MYO16: variants seen among roughly 807,000 people sequenced by gnomAD.
MYO16 encodes the protein myosin XVI.
MYO16 carries 94 observed loss-of-function variants against 205.3 expected under a neutral mutation model. The observed-to-expected ratio is 0.46, with a 90% CI of 0.39 to 0.54. The LOEUF is 0.54. MYO16 is among the 20% of genes least tolerant of loss of function. The probability of loss-of-function intolerance (pLI) is 0.00; values close to 1 mark genes in which losing one functional copy is unlikely to be tolerated. For synonymous variants in MYO16, 988 were observed against 954.0 expected, an observed-to-expected ratio of 1.04 and a Z score of -0.66; for missense variants, 2,315 against 2,387.5, an observed-to-expected ratio of 0.97 and a Z score of 0.63.
At chr13:108,711,887 TA>T (rs1204589401) in intron 2 of MYO16, among the ~76,000 whole-genome samples, 1 of 152,190 alleles carries the variant, frequency 6.6e-6, no homozygotes, top group Non-Finnish European at 1.5e-5. Context: ...GGTATTTTAT[TA>T]AAAGTATGAT....
the MYO16 span, among the ~76,000 whole-genome samples, chr13:108,538,782 T>G: frequency 6.6e-6 from 1 of 152,086 alleles, no homozygotes; most frequent in African/African-American, 2.4e-5. Flanking sequence ...AAAATCTTTT[T>G]GTGGAATGAA....
chr13:108,540,963 A>C, the MYO16 span, among the ~76,000 whole-genome samples: 5 of 152,306 alleles, frequency 3.3e-5, no homozygotes, highest in Admixed American at 3.3e-4. Flanking sequence ...ATCAGAATGC[A>C]CATGCGAAGT....
intron 3 of MYO16, among the ~76,000 whole-genome samples, chr13:108,726,163 C>G (rs1884328892): frequency 6.6e-6 from 1 of 152,120 alleles, no homozygotes; most frequent in Non-Finnish European, 1.5e-5. Flanking sequence ...AAGTATGTAT[C>G]TCATAACCCA....
intron 27 of MYO16, among the ~76,000 whole-genome samples, chr13:109,075,651 G>A (rs1888074499): frequency 6.6e-6 from 1 of 152,110 alleles, no homozygotes; most frequent in Non-Finnish European, 1.5e-5. Flanking sequence ...TAGGATTACA[G>A]GCATGAGCCA....
rs766868582 is a variant in MYO16, at chr13:109,140,488, G to A, written c.4276G>A (p.Asp1426Asn). 2.7e-5 allele frequency: 42 copies of A among 1,543,970 alleles called. No homozygotes were observed. In the South Asian group the frequency reaches 3.3e-4, roughly 12 times the overall value. ...GCTGCCCCCGGCGGCGCCTCCGGGT[G>A]ACGAGGACGACAGCGAGCCTGTGTA... ...CALPPAAPPGDEDDSEPVYIE... is the reference protein window; with the variant it reads ...CALPPAAPPGNEDDSEPVYIE... Residue 1426 changes from aspartate to asparagine, a missense_variant, in exon 32 of 35, where the codon GAC becomes AAC. Physicochemically the swap from Asp to Asn is conservative, Grantham distance 23. Coordinates refer to ENST00000457511, the MANE Select transcript of MYO16 (RefSeq NM_001198950.3). The surrounding 1 kb of genome is among the most constrained non-coding windows in gnomAD (Gnocchi z 8.0).
chr13:108,672,100 G>C (rs1030431060), intron 2 of MYO16, among the ~76,000 whole-genome samples: 2 of 152,078 alleles, frequency 1.3e-5, no homozygotes, highest in African/African-American at 4.8e-5. Flanking sequence ...ATACCTCACT[G>C]TGCTAGGGGA....
At chr13:108,538,807 A>G in the MYO16 span, among the ~76,000 whole-genome samples, 4 of 152,086 alleles carry the variant, frequency 2.6e-5, no homozygotes, top group Admixed American at 2.6e-4. Context: ...AAATTCTCAC[A>G]TGGCACTCTA....
At chr13:108,498,199 C>G in the MYO16 span, among the ~76,000 whole-genome samples, 1 of 152,116 alleles carries the variant, frequency 6.6e-6, no homozygotes, top group Non-Finnish European at 1.5e-5. Context: ...CAAATCCAGG[C>G]CAATAAAAAC....
At chr13:108,626,964 A>G (rs949701873), upstream of MYO16, among the ~76,000 whole-genome samples, 1 of 145,636 alleles carries the variant, frequency 6.9e-6, no homozygotes, top group Non-Finnish European at 1.5e-5. Context: ...TATATAATAT[A>G]TATATTATAT....
At chr13:108,849,616 CTTTTGTGTGTGTGTGTGTGTGTGT>C (rs1240686352) in intron 10 of MYO16, among the ~76,000 whole-genome samples, 1 of 77,780 alleles carries the variant, frequency 1.3e-5, no homozygotes, top group Non-Finnish European at 2.5e-5. Flanking sequence ...TGAATTTCCT[CTTTTGTGTGTGTGTGTGTGTGTGT>C]GTGTGTGTGT....
At chr13:109,185,153 T>C (rs1455422522) in intron 34 of MYO16, among the ~76,000 whole-genome samples, 1 of 152,224 alleles carries the variant, frequency 6.6e-6, no homozygotes, top group Non-Finnish European at 1.5e-5. Flanking sequence ...GTTAGCAATA[T>C]TATTGTATAG....
chr13:108,820,508 A>G, intron 8 of MYO16, 96 bp downstream of exon 8: 1 of 963,394 alleles, frequency 1.0e-6, no homozygotes, highest in Non-Finnish European at 1.6e-6. Context: ...ACAAAGTGAG[A>G]GCTGGACATG....
the MYO16 span, among the ~76,000 whole-genome samples, chr13:108,588,558 G>GT: frequency 0.027 from 4,068 of 152,246 alleles, 173 homozygotes; most frequent in African/African-American, 0.091. Flanking sequence ...AAGACATTGA[G>GT]TTATGAAGTT....
At chr13:109,100,558 G>A (rs1888928471) in intron 27 of MYO16, among the ~76,000 whole-genome samples, 4 of 152,134 alleles carry the variant, frequency 2.6e-5, no homozygotes, top group Admixed American at 2.0e-4. Flanking sequence ...TATATTAGAG[G>A]ACTGAAAAAT....
In MYO16 at chr13:108,629,862, T is replaced by A. The variant is rs1173988051; in HGVS notation, c.18T>A (p.Phe6Leu). The change falls in exon 1 of 35, where the codon TTT becomes TTA. Residue 6 changes from phenylalanine (F) to leucine (L), a missense_variant. Physicochemically the swap from Phe to Leu is conservative, Grantham distance 22. This residue lies in a region of MYO16 where 1,213 missense variants were observed against 1,274.4 expected (regional missense o/e 0.95). Coordinates refer to ENST00000457511, the MANE Select transcript of MYO16 (RefSeq NM_001198950.3). Reference sequence around the variant, plus strand: ...ATGGAAAGATGTCTCACTATCATTTTATCAAGTGCTGTAAGTAAGCTTGAT... The same window carrying A: ...ATGGAAAGATGTCTCACTATCATTTAATCAAGTGCTGTAAGTAAGCTTGAT... Reference protein sequence around the residue: MSHYHFIKCCCFQLCN... With the variant: MSHYHLIKCCCFQLCN... 1 of 1,528,272 alleles carries A rather than the reference T, an allele frequency of 6.5e-7. No homozygotes were observed. The highest frequency in any genetic ancestry group is 1.2e-5 in the South Asian group (1 of 83,682). The allele number at this position is 1,528,272 out of a possible 1,614,324, so 94.7% of individuals were successfully genotyped here.
chr13:109,126,013 A>G (rs1270829471), intron 30 of MYO16, among the ~76,000 whole-genome samples: 1 of 152,212 alleles, frequency 6.6e-6, no homozygotes, highest in Non-Finnish European at 1.5e-5. Context: ...AACACCCCTA[A>G]GAGGGAGGGC....
chr13:108,979,421 T>G (rs1462188784), intron 20 of MYO16, among the ~76,000 whole-genome samples: 4 of 152,092 alleles, frequency 2.6e-5, no homozygotes, highest in Non-Finnish European at 5.9e-5. Context: ...CTTTCAGAGA[T>G]AAAATAACAA....
At chr13:109,115,692 T>A (rs1466916993) in intron 28 of MYO16, among the ~76,000 whole-genome samples, 2 of 151,918 alleles carry the variant, frequency 1.3e-5, no homozygotes, top group Admixed American at 1.3e-4. Context: ...GAAAAAAAAA[T>A]CAAAAATGGT....
chr13:108,668,873 G>A (rs908255304), intron 2 of MYO16, among the ~76,000 whole-genome samples: 2 of 152,014 alleles, frequency 1.3e-5, no homozygotes, highest in South Asian at 2.1e-4. Context: ...GGGTGAAATC[G>A]GGACAGCCAA....
Sources: gnomAD v4.1 joint callset for allele counts (sites outside exome capture counted in the v4.1 genomes callset) on GRCh38, gnomAD v4.1.1 for gene constraint, gnomAD v4.1.1 regional missense constraint, Gnocchi (gnomAD v3.1) non-coding constraint, MANE v1.5 for transcripts, NCBI Gene and HGNC (gene_info 2026-07-23, HGNC 2026-07-21) for gene names.